Variants in VPS4B observed in about 807,000 individuals in gnomAD.
VPS4B encodes vacuolar protein sorting-associated protein 4B.
In VPS4B, 23 loss-of-function variants were observed where a neutral mutation model predicts 56.1. The ratio of observed to expected loss-of-function variants is 0.41; its 90% confidence interval spans 0.30 to 0.58. The LOEUF is 0.58. Among genes scored for constraint, VPS4B ranks in the 20% least tolerant of loss-of-function variants. VPS4B has a pLI of 0.29. For missense variants in VPS4B, 372 were observed against 531.9 expected, an observed-to-expected ratio of 0.70 and a Z score of 2.96; for synonymous variants, 177 against 186.0, an observed-to-expected ratio of 0.95 and a Z score of 0.39.
intron 10 of VPS4B, among the ~76,000 whole-genome samples, chr18:63,391,499 G>C (rs1016555383): frequency 2.6e-5 from 4 of 152,188 alleles, no homozygotes; most frequent in African/African-American, 9.6e-5. Context: ...GAAGTGCTGG[G>C]ATTACAGGCG....
Position 63,416,761 on chromosome 18 carries a change from GCC to G in VPS4B, c.28-5185_28-5184del, listed in dbSNP as rs1916175346. Among the ~76,000 whole-genome samples the G allele has an allele frequency of 2.6e-5, 4 of 152,176 alleles. No individual in the cohort carries two copies. In the South Asian group the frequency reaches 8.3e-4, roughly 32 times the overall value. ...CCTAGAATCCTCCTGCACTCAGGCA[GCC>G]CAAGCAGTTGAACCCTTCCACCTAG... is the stretch of plus-strand genomic sequence containing the variant. On this transcript the variant is annotated intron_variant, in intron 1 of 10. Transcript: ENST00000238497.
In VPS4B at chr18:63,422,395, T is replaced by C; in HGVS notation, c.-136A>G. 2 of 761,840 alleles carry C rather than the reference T, an allele frequency of 2.6e-6. No homozygotes were observed. The highest frequency in any genetic ancestry group is 6.8e-5 in the East Asian group (2 of 29,310). The allele number at this position is 761,840 out of a possible 1,614,324, so 47.2% of individuals were successfully genotyped here. A position where few individuals can be genotyped will look rare whatever the true frequency, so the allele number is the denominator to read the frequency against. On this transcript the variant is annotated 5_prime_UTR_variant, in exon 1 of 11. Transcript: ENST00000238497. ...CTCGGACCGCGAAGGGCAGCCTCCC[T>C]TCCGGAACTTGTTTTAGACAACACT...
chr18:63,420,335 C>G (rs1301801513), intron 1 of VPS4B, among the ~76,000 whole-genome samples: 2 of 152,104 alleles, frequency 1.3e-5, no homozygotes, highest in African/African-American at 4.8e-5. Flanking sequence ...GTAATCCCAG[C>G]TACTCGGGAG....
At chr18:63,396,495 C>T (rs1915670936) in intron 9 of VPS4B, 1 of 153,788 alleles carries the variant, frequency 6.5e-6, no homozygotes, top group African/African-American at 2.4e-5. Flanking sequence ...AGAGATCTGC[C>T]CACCTCGGCC....
chr18:63,407,008 A>T (rs904010798), intron 4 of VPS4B, among the ~76,000 whole-genome samples: 3 of 152,258 alleles, frequency 2.0e-5, no homozygotes, highest in African/African-American at 7.2e-5. Flanking sequence ...AGAGCAGTTA[A>T]GAAACAAAAT....
At chr18:63,416,277 G>A (rs886357844) in intron 1 of VPS4B, 1 of 211,258 alleles carries the variant, frequency 4.7e-6, no homozygotes, top group Non-Finnish European at 1.0e-5. Context: ...TCCTGCAGCA[G>A]CTGTAGCTCC....
intron 4 of VPS4B, among the ~76,000 whole-genome samples, chr18:63,405,943 G>C (rs144212350): frequency 6.6e-6 from 1 of 151,682 alleles, no homozygotes; most frequent in African/African-American, 2.4e-5. Flanking sequence ...CCGTGATTGC[G>C]CCACTGCACT....
chr18:63,422,256 A>G lies in VPS4B; in HGVS notation c.4T>C (p.Ser2Pro). 1.3e-6 allele frequency: 2 copies of G among 1,511,026 alleles called. No homozygotes were observed. The highest frequency in any genetic ancestry group is 1.8e-6 in the Non-Finnish European group (2 of 1,127,878). 93.6% of individuals were successfully genotyped at this position (1,511,026 alleles called of 1,614,324 possible). A position where few individuals can be genotyped will look rare whatever the true frequency, so the allele number is the denominator to read the frequency against. M[S>P]STSPNLQKAI... ...ACCTGGAGGTTGGGCGAAGTGGATG[A>G]CATGGCGGAGTTCCCAGGCGGTTCC... The change falls in exon 1 of 11, where the codon TCA (serine) becomes CCA (proline). Residue 2 changes from serine (S) to proline (P), a missense_variant. Transcript: ENST00000238497.
chr18:63,410,499 G>C, intron 2 of VPS4B, 53 bp from the exon 3 acceptor site: 2 of 1,576,936 alleles, frequency 1.3e-6, no homozygotes, highest in Non-Finnish European at 8.5e-7. Flanking sequence ...TATGTAGAAA[G>C]GTTTGAACTC....
In VPS4B at chr18:63,410,256, G is replaced by T. The variant is rs377337910; in HGVS notation, c.296+34C>A. The T allele has an allele frequency of 8.1e-6, 13 of 1,602,190 alleles. No individual in the cohort carries two copies. In the South Asian group the frequency reaches 1.3e-4, roughly 17 times the overall value. On this transcript the variant is annotated intron_variant, in intron 3 of 10. Transcript: ENST00000238497. ...AAATTTCACAAATCGAAAGCAAAAA[G>T]CCACAATAAAATTGAACAATTTTAA...
In VPS4B at chr18:63,408,471, C is replaced by CA. The variant is rs972025008; in HGVS notation, c.297-973dup. ...GCTGTCCTTATTAAAAACAAACAAA[C>CA]AAAAAAAACCCTGCCGTTTCTCATC... On this transcript the variant is annotated intron_variant, in intron 3 of 10. Coordinates refer to ENST00000238497, the MANE Select transcript of VPS4B (RefSeq NM_004869.4). Among the ~76,000 whole-genome samples, 13 of 151,924 alleles carry CA rather than the reference C, an allele frequency of 8.6e-5. No homozygotes were observed. The South Asian group carries it at 2.1e-3, about 24-fold the overall frequency.
rs185509384 is a variant in VPS4B at position 63,420,920 on chromosome 18, C to T, written c.27+1313G>A. On this transcript the variant is annotated intron_variant, in intron 1 of 10. Coordinates refer to ENST00000238497, the MANE Select transcript of VPS4B (RefSeq NM_004869.4). ...GGGCGTGGTGGTGGGTGCCTGTAGT[C>T]CCAGGTACTCAGGAGGCTGAGGCAA... Among the ~76,000 whole-genome samples the T allele has an allele frequency of 4.6e-5, 7 of 151,710 alleles. No individual in the cohort carries two copies. In the East Asian group the frequency reaches 1.4e-3, roughly 29 times the overall value.
chr18:63,410,530 A>G, intron 2 of VPS4B, 84 bp from the exon 3 acceptor site: 33 of 1,509,212 alleles, frequency 2.2e-5, no homozygotes, highest in South Asian at 1.1e-4. Context: ...ATTTTTTCAG[A>G]CAAGGAAATT....
chr18:63,402,684 G>C (rs545222376), intron 5 of VPS4B, among the ~76,000 whole-genome samples: 2 of 152,330 alleles, frequency 1.3e-5, no homozygotes, highest in South Asian at 2.1e-4. Context: ...AGTGGTATAA[G>C]TAATATACCA....
intron 3 of VPS4B, among the ~76,000 whole-genome samples, chr18:63,408,056 A>C (rs1167540521): frequency 3.3e-5 from 5 of 152,198 alleles, no homozygotes; most frequent in Non-Finnish European, 7.3e-5. Flanking sequence ...ATTTATCTTG[A>C]GGAAATAATT....
At chr18:63,420,552 TAAA>T (rs1187632538) in intron 1 of VPS4B, among the ~76,000 whole-genome samples, 1 of 152,138 alleles carries the variant, frequency 6.6e-6, no homozygotes, top group African/African-American at 2.4e-5. Flanking sequence ...TAAAAATTGT[TAAA>T]AAGCCAACGA....
rs1236371432 is a variant in VPS4B at position 63,389,228 on chromosome 18, T to C, written c.*1747A>G. ...ATTAATAATTTTAATGATTTCTTTG[T>C]ATCTAACCAATTTAGGTAATATTTT... On this transcript the variant is annotated 3_prime_UTR_variant, in exon 11 of 11. Coordinates refer to ENST00000238497, the MANE Select transcript of VPS4B (RefSeq NM_004869.4). 6.6e-6 allele frequency: 1 copy of C among 152,252 alleles called. No individual in the cohort carries two copies. Among genetic ancestry groups the C allele is most frequent in the Non-Finnish European group, 1.5e-5 (1 of 68,046 alleles). The allele number at this position is 152,252 out of a possible 1,614,324, so 9.4% of individuals were successfully genotyped here. A position where few individuals can be genotyped will look rare whatever the true frequency, so the allele number is the denominator to read the frequency against.
At chr18:63,419,799 C>T (rs17767287) in intron 1 of VPS4B, among the ~76,000 whole-genome samples, 6,999 of 152,182 alleles carry the variant, frequency 0.046, 188 homozygotes, top group African/African-American at 0.079. Flanking sequence ...AGGTTAACTT[C>T]GGGTTATTGA....
At position 63,410,463 on chromosome 18, in the gene VPS4B, A is replaced by G; in HGVS notation, c.140-17T>C. ...GTGCTTCATCTATTAAAGGGAAATG[A>G]GAGAGATTTTTTTCCATTAGTATTC... On this transcript the variant is annotated splice_polypyrimidine_tract_variant and intron_variant, in intron 2 of 10. Coordinates refer to ENST00000238497, the MANE Select transcript of VPS4B (RefSeq NM_004869.4). 1 of 1,607,526 alleles carries G rather than the reference A, an allele frequency of 6.2e-7. No individual in the cohort carries two copies. Among genetic ancestry groups the G allele is most frequent in the Non-Finnish European group, 8.5e-7 (1 of 1,179,260 alleles).
Sources: gnomAD v4.1 joint callset for allele counts (sites outside exome capture counted in the v4.1 genomes callset) on GRCh38, gnomAD v4.1.1 for gene constraint, MANE v1.5 for transcripts, NCBI Gene and HGNC (gene_info 2026-07-23, HGNC 2026-07-21) for gene names.